Variants in SPRING1 observed in about 807,000 individuals in gnomAD.
SPRING1 encodes SREBP regulating gene protein.
In SPRING1, 14 loss-of-function variants were observed where a neutral mutation model predicts 24.7. That is an observed-to-expected ratio of 0.57 (90% confidence interval 0.37 to 0.88). The LOEUF is 0.88. Among genes scored for constraint, SPRING1 ranks in the 40% least tolerant of loss-of-function variants. The pLI is 0.00. For missense variants in SPRING1, 255 were observed against 268.4 expected (o/e 0.95, Z 0.35); for synonymous variants, 93 against 106.1 (o/e 0.88, Z 0.76).
At chr12:116,719,315 T>C (rs1285225719) in intron 4 of SPRING1, among the ~76,000 whole-genome samples, 1 of 152,212 alleles carries the variant, frequency 6.6e-6, no homozygotes, top group Non-Finnish European at 1.5e-5. Flanking sequence ...TTTTTAAACA[T>C]TCACCTGCCT....
intron 1 of SPRING1, among the ~76,000 whole-genome samples, chr12:116,734,734 C>T (rs747581744): frequency 6.6e-6 from 1 of 152,020 alleles, no homozygotes; most frequent in African/African-American, 2.4e-5. Flanking sequence ...TGATGCCTAC[C>T]ACAAAGAAAA....
chr12:116,727,875 C>T (rs527825622), intron 1 of SPRING1, among the ~76,000 whole-genome samples: 2 of 152,128 alleles, frequency 1.3e-5, no homozygotes, highest in African/African-American at 4.8e-5. Flanking sequence ...AAACATTCTG[C>T]AATATATATA....
At position 116,720,412 on chromosome 12, in the gene SPRING1, C is replaced by T. The variant is rs1293647808; in HGVS notation, c.304G>A (p.Gly102Ser). The part of the protein sequence containing the change: ...VCERKDLLVN[G>S]CCNVNVPSTK... ...CTAGGGACGTTGACATTACAGCAGC[C>T]ATTTACCAGCAAATCCTTCCTCTCG... The change falls in exon 3 of 5, where the codon GGC becomes AGC. Residue 102 changes from glycine (G) to serine (S), a missense_variant. Coordinates refer to ENST00000261318, the MANE Select transcript of SPRING1 (RefSeq NM_024738.4). The surrounding 1 kb of genome is among the most constrained non-coding windows in gnomAD (Gnocchi z 4.0). The T allele has an allele frequency of 1.2e-6, 2 of 1,614,196 alleles. No individual in the cohort carries two copies. The highest frequency in any genetic ancestry group is 1.7e-5 in the Admixed American group (1 of 60,030).
In SPRING1 at chr12:116,723,217, T is replaced by C. The variant is rs111420935; in HGVS notation, c.118A>G (p.Arg40Gly). 1 of 1,614,084 alleles carries C rather than the reference T, an allele frequency of 6.2e-7. No individual in the cohort carries two copies. The part of the protein sequence containing the change: ...FLSSTFKQEE[R>G]AVRDRNLLQV... The stretch of plus-strand genomic sequence containing the variant: ...AGGAGATTCCTATCTCTCACTGCCC[T>C]CTCCTCCTGCAAAGAAACCATAAGT... Residue 40 changes from arginine to glycine, a missense_variant, in exon 2 of 5, where the codon AGG (arginine) becomes GGG (glycine). By Grantham distance (125) the Arg-to-Gly change is moderately radical. Coordinates refer to ENST00000261318, the MANE Select transcript of SPRING1 (RefSeq NM_024738.4).
At position 116,713,509 on chromosome 12, in the gene SPRING1, A is replaced by G. The variant is rs1869961740; in HGVS notation, c.*4301T>C. The G allele has an allele frequency of 6.6e-6, 1 of 152,250 alleles. No homozygotes were observed. The highest frequency in any genetic ancestry group is 2.4e-5 in the African/African-American group (1 of 41,472). 9.4% of individuals were successfully genotyped at this position (152,250 alleles called of 1,614,324 possible). A position where few individuals can be genotyped will look rare whatever the true frequency, so the allele number is the denominator to read the frequency against. ...TCCATTAGCAAAATGTTTAAAAATAATATCACAGGGTTACCAGGGGTATGA... is the reference window on the plus strand; with the variant it reads ...TCCATTAGCAAAATGTTTAAAAATAGTATCACAGGGTTACCAGGGGTATGA... On this transcript the variant is annotated 3_prime_UTR_variant, in exon 5 of 5. Coordinates refer to ENST00000261318, the MANE Select transcript of SPRING1 (RefSeq NM_024738.4).
In SPRING1 at chr12:116,737,996, C is replaced by A; in HGVS notation, c.-96G>T. On this transcript the variant is annotated 5_prime_UTR_variant, in exon 1 of 5. It adds an upstream start codon to the 5' untranslated region. Transcript: ENST00000261318. Reference sequence around the variant, plus strand: ...CCCTACGCGCCCGGCAGCCCCATCCCTCCAGGCAGGCGCCGGCCCCGCCGC... The same window carrying A: ...CCCTACGCGCCCGGCAGCCCCATCCATCCAGGCAGGCGCCGGCCCCGCCGC... 8.6e-7 allele frequency: 1 copy of A among 1,161,084 alleles called. No individual in the cohort carries two copies. Among genetic ancestry groups the A allele is most frequent in the South Asian group, 4.2e-5 (1 of 23,760 alleles). 71.9% of individuals were successfully genotyped at this position (1,161,084 alleles called of 1,614,324 possible).
At chr12:116,722,797 T>G (rs950638804) in intron 2 of SPRING1, among the ~76,000 whole-genome samples, 5 of 152,174 alleles carry the variant, frequency 3.3e-5, no homozygotes, top group African/African-American at 9.6e-5. Flanking sequence ...AGAAGGGGCC[T>G]GGGGACTGAT....
rs1869965507 is a variant in SPRING1 at position 116,713,565 on chromosome 12, G to A, written c.*4245C>T. The A allele has an allele frequency of 6.6e-6, 1 of 152,194 alleles. No homozygotes were observed. The highest frequency in any genetic ancestry group is 6.5e-5 in the Admixed American group (1 of 15,282). The allele number at this position is 152,194 out of a possible 1,614,324, so 9.4% of individuals were successfully genotyped here. On this transcript the variant is annotated 3_prime_UTR_variant, in exon 5 of 5. Transcript: ENST00000261318. ...ATGGACACTTCCATACACACTAGGT[G>A]AATATATTGGTGAAAATAGTTCAGA...
At chr12:116,731,346 C>A (rs188957306) in intron 1 of SPRING1, among the ~76,000 whole-genome samples, 15 of 152,078 alleles carry the variant, frequency 9.9e-5, no homozygotes, top group African/African-American at 3.6e-4. Context: ...AACATTTTGT[C>A]GTTATTCTGA....
chr12:116,724,967 TG>T (rs1870612025), intron 1 of SPRING1, among the ~76,000 whole-genome samples: 1 of 152,318 alleles, frequency 6.6e-6, no homozygotes, highest in African/African-American at 2.4e-5. Flanking sequence ...GACCACTGCA[TG>T]CCTATAGTGT....
In SPRING1 at chr12:116,716,265, T is replaced by C. The variant is rs541914487; in HGVS notation, c.*1545A>G. On this transcript the variant is annotated 3_prime_UTR_variant, in exon 5 of 5. Coordinates refer to ENST00000261318, the MANE Select transcript of SPRING1 (RefSeq NM_024738.4). ...GGCAAATAATTTGGGGAGATGAGTA[T>C]AAGAGGTAGTAGGAGGAAGCTAAGG... 6.6e-6 allele frequency: 1 copy of C among 152,224 alleles called. No individual in the cohort carries two copies. Among genetic ancestry groups the C allele is most frequent in the East Asian group, 1.9e-4 (1 of 5,184 alleles). The allele number at this position is 152,224 out of a possible 1,614,324, so 9.4% of individuals were successfully genotyped here.
In SPRING1 at chr12:116,725,344, G is replaced by C. The variant is rs1592919256; in HGVS notation, c.112-2121C>G. ...TTAGTAGTCACTCAGTTACCAGGTG[G>C]AAAAACAGTATGGATAGGGTTTGGT... is the stretch of plus-strand genomic sequence containing the variant. On this transcript the variant is annotated intron_variant, in intron 1 of 4. Transcript: ENST00000261318. 3.3e-5 allele frequency among the ~76,000 whole-genome samples: 5 copies of C among 152,194 alleles called. No individual in the cohort carries two copies. The East Asian group carries it at 9.7e-4, about 29-fold the overall frequency.
chr12:116,722,274 C>G (rs1269720282), intron 2 of SPRING1, among the ~76,000 whole-genome samples: 1 of 152,096 alleles, frequency 6.6e-6, no homozygotes, highest in Non-Finnish European at 1.5e-5. Context: ...ATTTTTTACT[C>G]AAAGAGTCCA....
In SPRING1 at chr12:116,712,447, T is replaced by G. The variant is rs1006213556; in HGVS notation, c.*5363A>C. ...GATACATGCTGAATATAGGGATGCC[T>G]GTACACAAAACTGCACTCATGCTGT... On this transcript the variant is annotated 3_prime_UTR_variant, in exon 5 of 5. Transcript: ENST00000261318. 2 of 152,142 alleles carry G rather than the reference T, an allele frequency of 1.3e-5. No homozygotes were observed. Among genetic ancestry groups the G allele is most frequent in the African/African-American group, 4.8e-5 (2 of 41,412 alleles). 9.4% of individuals were successfully genotyped at this position (152,142 alleles called of 1,614,324 possible).
At position 116,720,477 on chromosome 12, in the gene SPRING1, A is replaced by G. The variant is rs1344315360; in HGVS notation, c.269-30T>C. 6.2e-7 allele frequency: 1 copy of G among 1,610,732 alleles called. No homozygotes were observed. The highest frequency in any genetic ancestry group is 1.3e-5 in the African/African-American group (1 of 74,940). On this transcript the variant is annotated intron_variant, in intron 2 of 4. Transcript: ENST00000261318. The surrounding 1 kb of genome is among the most constrained non-coding windows in gnomAD (Gnocchi z 4.0). ...AAGTCAGAGACCAACCTTAGCATAA[A>G]ACCAGCAGCCTTGCCACCTCCCTAC...
At chr12:116,734,217 CTA>C (rs2137047044) in intron 1 of SPRING1, among the ~76,000 whole-genome samples, 1 of 152,266 alleles carries the variant, frequency 6.6e-6, no homozygotes, top group African/African-American at 2.4e-5. Flanking sequence ...TGTACCTTTT[CTA>C]TGTTTAGATC....
chr12:116,731,231 A>T (rs113637211), intron 1 of SPRING1, among the ~76,000 whole-genome samples: 1 of 152,250 alleles, frequency 6.6e-6, no homozygotes. Context: ...GACAACTAGT[A>T]GCACAGTCTG....
rs1158661078 is a variant in SPRING1, at chr12:116,720,922, C to T, written c.269-475G>A. ...TCTTTACAAATATCTTTCAGATGCTCGCTGCATACTGACTAATTTGGAGAT... is the reference window on the plus strand; with the variant it reads ...TCTTTACAAATATCTTTCAGATGCTTGCTGCATACTGACTAATTTGGAGAT... On this transcript the variant is annotated intron_variant, in intron 2 of 4. Transcript: ENST00000261318. This position sits in a 1 kb window ranked among gnomAD's most constrained non-coding sequence, Gnocchi z 4.0. Among the ~76,000 whole-genome samples, 7 of 152,180 alleles carry T rather than the reference C, an allele frequency of 4.6e-5. No homozygotes were observed. The highest frequency in any genetic ancestry group is 9.7e-5 in the African/African-American group (4 of 41,448).
intron 2 of SPRING1, among the ~76,000 whole-genome samples, chr12:116,722,723 A>G (rs766248190): frequency 4.6e-5 from 7 of 152,102 alleles, no homozygotes; most frequent in Non-Finnish European, 8.8e-5. Flanking sequence ...TATAGAGTTC[A>G]CCCTCGAGAT....
Sources: allele counts gnomAD v4.1 joint callset (sites outside exome capture counted in the v4.1 genomes callset), GRCh38; gene constraint gnomAD v4.1.1; non-coding constraint Gnocchi (gnomAD v3.1); transcripts MANE v1.5; gene names NCBI Gene and HGNC (gene_info 2026-07-23, HGNC 2026-07-21).